CPEB1: variants seen among roughly 807,000 people sequenced by gnomAD.
CPEB1 encodes the protein cytoplasmic polyadenylation element-binding protein 1.
Under a neutral mutation model 65.8 loss-of-function variants are expected in CPEB1, and 7 were observed. The ratio of observed to expected loss-of-function variants is 0.11; its 90% CI spans 0.06 to 0.20. The LOEUF is 0.20. Among genes scored for constraint, CPEB1 ranks in the 10% least tolerant of loss-of-function variants. The pLI is 1.00. For synonymous variants in CPEB1, 262 were observed against 260.0 expected, an observed-to-expected ratio of 1.01 and a Z score of -0.08; for missense variants, 551 against 712.2, an observed-to-expected ratio of 0.77 and a Z score of 2.58.
chr15:82,636,833 T>C (rs1344844515), intron 1 of CPEB1, among the ~76,000 whole-genome samples: 4 of 152,220 alleles, frequency 2.6e-5, no homozygotes, highest in Admixed American at 2.6e-4. Context: ...ATAACCTTCA[T>C]AAATGGTAGT....
chr15:82,573,007 C>T (rs1287383644), intron 3 of CPEB1: 1 of 1,526,888 alleles, frequency 6.5e-7, no homozygotes, highest in South Asian at 1.2e-5. Flanking sequence ...AGGCAGGCTG[C>T]TCAAACCTGG....
At chr15:82,620,522 G>C (rs1424428206) in intron 3 of CPEB1, among the ~76,000 whole-genome samples, 5 of 152,138 alleles carry the variant, frequency 3.3e-5, no homozygotes, top group Admixed American at 1.3e-4. Context: ...CATGAACTGG[G>C]TGTGGTGGCT....
At chr15:82,642,061 A>G (rs2047158605) in intron 1 of CPEB1, among the ~76,000 whole-genome samples, 1 of 152,230 alleles carries the variant, frequency 6.6e-6, no homozygotes, top group African/African-American at 2.4e-5. Context: ...TTTTAGTTCA[A>G]TCTTTTTCAG....
At chr15:82,563,921 T>C (rs1162438243) in intron 4 of CPEB1, among the ~76,000 whole-genome samples, 1 of 152,090 alleles carries the variant, frequency 6.6e-6, no homozygotes, top group African/African-American at 2.4e-5. Flanking sequence ...CAGAGGGAAA[T>C]CAAGCACAAG....
chr15:82,553,601 T>A (rs763360065), intron 7 of CPEB1, 45 bp from the exon 8 acceptor site: 2 of 1,400,598 alleles, frequency 1.4e-6, no homozygotes, highest in Non-Finnish European at 2.0e-6. Flanking sequence ...GGAACCATCT[T>A]TCCCAGTAAA....
chr15:82,557,233 G>A (rs1027429908), intron 5 of CPEB1, among the ~76,000 whole-genome samples: 1 of 152,178 alleles, frequency 6.6e-6, no homozygotes, highest in Non-Finnish European at 1.5e-5. Context: ...CTGAGGCAAT[G>A]TTTCATAGAT....
chr15:82,596,282 G>C (rs555854095), intron 3 of CPEB1, among the ~76,000 whole-genome samples: 1 of 152,092 alleles, frequency 6.6e-6, no homozygotes, highest in African/African-American at 2.4e-5. Flanking sequence ...ATAATATTCT[G>C]ACCGAATTCA....
intron 4 of CPEB1, among the ~76,000 whole-genome samples, chr15:82,570,475 G>C (rs905122628): frequency 6.8e-6 from 1 of 147,058 alleles, no homozygotes; most frequent in Non-Finnish European, 1.5e-5. Flanking sequence ...TATGTAGCTT[G>C]TAAGTATACC....
chr15:82,639,008 G>A (rs1455654688), intron 1 of CPEB1, among the ~76,000 whole-genome samples: 2 of 152,186 alleles, frequency 1.3e-5, no homozygotes, highest in African/African-American at 4.8e-5. Flanking sequence ...GGGTGGGGGA[G>A]CAGAAATCAA....
At chr15:82,587,348 A>G (rs2041884398) in intron 3 of CPEB1, among the ~76,000 whole-genome samples, 1 of 152,232 alleles carries the variant, frequency 6.6e-6, no homozygotes, top group Non-Finnish European at 1.5e-5. Flanking sequence ...CTAAATACTC[A>G]TAAATGCTAA....
intron 3 of CPEB1, among the ~76,000 whole-genome samples, chr15:82,583,751 T>C (rs779616371): frequency 1.3e-5 from 2 of 152,224 alleles, no homozygotes; most frequent in Non-Finnish European, 2.9e-5. Flanking sequence ...TAACCTTTTT[T>C]GTATCATGAA....
chr15:82,616,193 T>A (rs1430982378), intron 3 of CPEB1, among the ~76,000 whole-genome samples: 1 of 152,032 alleles, frequency 6.6e-6, no homozygotes, highest in East Asian at 1.9e-4. Flanking sequence ...TATCATTCTA[T>A]TTCTTGATTT....
chr15:82,630,871 G>A (rs764915259), intron 1 of CPEB1, among the ~76,000 whole-genome samples: 8 of 152,118 alleles, frequency 5.3e-5, no homozygotes, highest in Non-Finnish European at 8.8e-5. Flanking sequence ...AGTCAGCATT[G>A]TCTTTCAATA....
intron 9 of CPEB1, among the ~76,000 whole-genome samples, chr15:82,549,874 A>G (rs1336441105): frequency 2.0e-5 from 3 of 152,230 alleles, no homozygotes; most frequent in Non-Finnish European, 4.4e-5. Flanking sequence ...CCATGTGTCC[A>G]GAATGGTAGA....
At chr15:82,584,903 CTTTT>C (rs3080692) in intron 3 of CPEB1, among the ~76,000 whole-genome samples, 16 of 81,736 alleles carry the variant, frequency 2.0e-4, no homozygotes, top group African/African-American at 6.5e-4. Context: ...TCCTAATTTG[CTTTT>C]TTTTTTTTTT....
chr15:82,625,510 A>G (rs545217488), intron 3 of CPEB1, among the ~76,000 whole-genome samples: 52 of 152,224 alleles, frequency 3.4e-4, no homozygotes, highest in Non-Finnish European at 6.8e-4. Flanking sequence ...GTCCTTTGGT[A>G]TATGTAGGGA....
At chr15:82,609,070 A>G (rs747570696) in intron 3 of CPEB1, among the ~76,000 whole-genome samples, 2 of 152,234 alleles carry the variant, frequency 1.3e-5, no homozygotes, top group Non-Finnish European at 2.9e-5. Context: ...CGTGGAAATT[A>G]AACAACATAC....
At position 82,544,694 on chromosome 15, in the gene CPEB1, G is replaced by A; in HGVS notation, c.1665C>T (p.Phe555=). 6.2e-7 allele frequency: 1 copy of A among 1,613,144 alleles called. No individual in the cohort carries two copies. Among genetic ancestry groups the A allele is most frequent in the Non-Finnish European group, 8.5e-7 (1 of 1,179,658 alleles). The part of the protein sequence containing the change: ...GPFFCRDQVC[F]KYFCRSCWHW... ...GCCAGCAGCTCCGGCAGAAGTATTT[G>A]AAGCAGACCTGGGTTGGGGGAACAA... Residue 555 remains phenylalanine, a synonymous_variant, in exon 13 of 13, where the codon TTC becomes TTT. Coordinates refer to ENST00000684509, the MANE Select transcript of CPEB1 (RefSeq NM_001365242.1).
At chr15:82,648,159 C>T (rs937887222), upstream of CPEB1, 62 of 339,866 alleles carry the variant, frequency 1.8e-4, no homozygotes, top group Middle Eastern at 7.5e-4. Context: ...GGGACTGCCG[C>T]CGCTGCTAGC....
Sources: gnomAD v4.1 joint callset for allele counts (sites outside exome capture counted in the v4.1 genomes callset) on GRCh38, gnomAD v4.1.1 for gene constraint, MANE v1.5 for transcripts, NCBI Gene and HGNC (gene_info 2026-07-23, HGNC 2026-07-21) for gene names.